Variants in ZFR2 observed in about 807,000 individuals in gnomAD.
ZFR2 encodes zinc finger RNA-binding protein 2.
ZFR2 carries 104 observed loss-of-function variants against 105.7 expected under a neutral mutation model. The observed-to-expected ratio is 0.98, with a 90% CI of 0.84 to 1.16. The LOEUF is 1.16. Ranked by LOEUF, ZFR2 falls within the 50% of genes most tolerant of loss-of-function variation. ZFR2 has a pLI of 0.00. For missense variants in ZFR2, 1,425 were observed against 1,355.5 expected, an observed-to-expected ratio of 1.05 and a Z score of -0.80; for synonymous variants, 634 against 597.7, an observed-to-expected ratio of 1.06 and a Z score of -0.89.
rs566854965 is a variant in ZFR2 at position 3,819,228 on chromosome 19, C to T, written c.1748G>A (p.Arg583Gln). ...SPASAPLQPG[R>Q]RPASSDDRHV... ...CCGGTCGTCGCTGGACGCCGGCCGC[C>T]GCCCGGGCTGTGGGGAGAGGCCGCA... The change falls in exon 12 of 19, where the codon CGG (arginine) becomes CAG (glutamine). Residue 583 changes from arginine to glutamine, a missense_variant. Coordinates refer to ENST00000262961, the MANE Select transcript of ZFR2 (RefSeq NM_015174.2). 21 of 1,542,146 alleles carry T rather than the reference C, an allele frequency of 1.4e-5. No homozygotes were observed. In the African/African-American group the frequency reaches 1.9e-4, roughly 14 times the overall value.
chr19:3,833,401 C>T lies in ZFR2; in HGVS notation c.379+263G>A, dbSNP rs2038040910. On this transcript the variant is annotated intron_variant, in intron 3 of 18. Coordinates refer to ENST00000262961, the MANE Select transcript of ZFR2 (RefSeq NM_015174.2). Reference sequence around the variant, plus strand: ...ACCATCCTGGCTAATACTGTGAAACCCCGTCTCTACTAAAAATACAAAAAA... The same window carrying T: ...ACCATCCTGGCTAATACTGTGAAACTCCGTCTCTACTAAAAATACAAAAAA... 2.4e-5 allele frequency: 8 copies of T among 330,782 alleles called. No homozygotes were observed. In the South Asian group the frequency reaches 3.0e-4, roughly 12 times the overall value. 20.5% of individuals were successfully genotyped at this position (330,782 alleles called of 1,614,324 possible).
Position 3,837,531 on chromosome 19 carries a change from C to CGTG in ZFR2, c.54-2549_54-2548insCAC, listed in dbSNP as rs1568427094. 3.3e-5 allele frequency among the ~76,000 whole-genome samples: 5 copies of CGTG among 150,218 alleles called. 1 individual carries two copies. Among genetic ancestry groups the CGTG allele is most frequent in the African/African-American group, 9.8e-5 (4 of 40,802 alleles). On this transcript the variant is annotated intron_variant, in intron 1 of 18. Transcript: ENST00000262961. ...CGTGACCGTGACACTCGATGAACAC[C>CGTG]ATGACCGTGACACTCGATGAACACC... is the stretch of plus-strand genomic sequence containing the variant.
chr19:3,826,390 G>A (rs370986964), intron 6 of ZFR2, among the ~76,000 whole-genome samples: 1 of 151,958 alleles, frequency 6.6e-6, no homozygotes, highest in African/African-American at 2.4e-5. Flanking sequence ...CTGCTCTCAG[G>A]TGGGGACTCC....
intron 1 of ZFR2, among the ~76,000 whole-genome samples, chr19:3,844,181 G>A (rs1274956800): frequency 2.6e-5 from 4 of 151,826 alleles, no homozygotes; most frequent in East Asian, 3.8e-4. Context: ...TTAATAAAAC[G>A]GTAAAACTGG....
intron 11 of ZFR2, 114 bp downstream of exon 11, chr19:3,820,068 T>C (rs1358803953): frequency 1.4e-5 from 14 of 1,029,036 alleles, no homozygotes; most frequent in East Asian, 5.2e-5. Flanking sequence ...TGGAGCCCCA[T>C]CCCCTGAGTA....
chr19:3,854,795 G>A (rs893707607), intron 1 of ZFR2, among the ~76,000 whole-genome samples: 5 of 152,152 alleles, frequency 3.3e-5, no homozygotes, highest in East Asian at 1.9e-4. Flanking sequence ...ACAGGGTCTC[G>A]CTCTGTCACC....
intron 6 of ZFR2, among the ~76,000 whole-genome samples, chr19:3,826,626 C>G (rs547545648): frequency 6.6e-6 from 1 of 151,572 alleles, no homozygotes; most frequent in African/African-American, 2.4e-5. Flanking sequence ...TCAGTAGAGA[C>G]GGGGTTTCAC....
At chr19:3,852,549 A>G (rs980965097) in intron 1 of ZFR2, 3 of 718,592 alleles carry the variant, frequency 4.2e-6, no homozygotes, top group Non-Finnish European at 7.8e-6. Flanking sequence ...ACTGCAGCCA[A>G]CTGTCCAAGG....
chr19:3,859,623 G>C (rs538033998), intron 1 of ZFR2, among the ~76,000 whole-genome samples: 2 of 152,226 alleles, frequency 1.3e-5, no homozygotes, highest in Non-Finnish European at 2.9e-5. Flanking sequence ...GCCACACCCA[G>C]GTGGAGGGCG....
In ZFR2 at chr19:3,807,229, T is replaced by C; in HGVS notation, c.2586A>G (p.Thr862=). 6.4e-7 allele frequency: 1 copy of C among 1,562,216 alleles called. No homozygotes were observed. Among genetic ancestry groups the C allele is most frequent in the Non-Finnish European group, 8.7e-7 (1 of 1,152,494 alleles). Residue 862 remains threonine (T), a synonymous_variant, in exon 18 of 19, where the codon ACA becomes ACG. Coordinates refer to ENST00000262961, the MANE Select transcript of ZFR2 (RefSeq NM_015174.2). ...GLQDPCERDQ[T]DALEPMTLQE... ...GGAGGGTCATGGGCTCGAGGGCATC[T>C]GTCTGGTCTCTCTCGCAGGGATCCT...
chr19:3,806,068 G>T lies in ZFR2; in HGVS notation c.2701C>A (p.Leu901Met). 6.5e-7 allele frequency: 1 copy of T among 1,531,346 alleles called. No homozygotes were observed. Among genetic ancestry groups the T allele is most frequent in the Admixed American group, 2.0e-5 (1 of 49,928 alleles). 94.9% of individuals were successfully genotyped at this position (1,531,346 alleles called of 1,614,324 possible). ...QTHKVLGMDL[L>M]PPRHRLGARF... is the part of the protein sequence containing the mutation. ...GCCCCCAGCCGGTGTCTGGGCGGCAGGAGATCCATGCCCAGGACCTTGTGG... is the reference window on the plus strand; with the variant it reads ...GCCCCCAGCCGGTGTCTGGGCGGCATGAGATCCATGCCCAGGACCTTGTGG... The change falls in exon 19 of 19, where the codon CTG becomes ATG. Residue 901 changes from leucine to methionine, a missense_variant. Leu to Met is a conservative substitution (Grantham distance 15, BLOSUM62 2). Transcript: ENST00000262961.
intron 17 of ZFR2, among the ~76,000 whole-genome samples, chr19:3,807,901 T>C (rs545500282): frequency 4.5e-5 from 6 of 132,822 alleles, no homozygotes; most frequent in African/African-American, 1.7e-4. Flanking sequence ...CCGTGTGCAC[T>C]CATGTATGTG....
rs932700769 is a variant in ZFR2, at chr19:3,838,063, C to T, written c.54-3080G>A. Among the ~76,000 whole-genome samples, 17 of 151,578 alleles carry T rather than the reference C, an allele frequency of 1.1e-4. No homozygotes were observed. Among genetic ancestry groups the T allele is most frequent in the African/African-American group, 3.6e-4 (15 of 41,216 alleles). Reference sequence around the variant, plus strand: ...CACGATGAACACCATGACCGTGACACGTGATGAACACCATGACCGTGACAC... The same window carrying T: ...CACGATGAACACCATGACCGTGACATGTGATGAACACCATGACCGTGACAC... On this transcript the variant is annotated intron_variant, in intron 1 of 18. Transcript: ENST00000262961. The surrounding 1 kb of genome is among the most constrained non-coding windows in gnomAD (Gnocchi z 4.9).
intron 1 of ZFR2, among the ~76,000 whole-genome samples, chr19:3,841,871 C>A (rs2038136079): frequency 6.6e-6 from 1 of 151,884 alleles, no homozygotes; most frequent in African/African-American, 2.4e-5. Flanking sequence ...ACTGCAACCT[C>A]CACCTCCCAG....
chr19:3,825,503 G>A (rs2037939683), intron 6 of ZFR2, 96 bp from the exon 7 acceptor site: 5 of 1,455,110 alleles, frequency 3.4e-6, no homozygotes, highest in African/African-American at 1.5e-5. Flanking sequence ...CGTGCAGCGC[G>A]AGTGTGGGCT....
Position 3,831,646 on chromosome 19 carries a change from A to G in ZFR2, c.598+14T>C. On this transcript the variant is annotated intron_variant, in intron 4 of 18. Transcript: ENST00000262961. ...CGACGGGCAGACCACCTGGGCAAGG[A>G]ACGCTGGTCTTACCCGTGTAGGCGG... 1 of 1,528,606 alleles carries G rather than the reference A, an allele frequency of 6.5e-7. No individual in the cohort carries two copies. Among genetic ancestry groups the G allele is most frequent in the Non-Finnish European group, 8.8e-7 (1 of 1,132,676 alleles). 94.7% of individuals were successfully genotyped at this position (1,528,606 alleles called of 1,614,324 possible).
At position 3,805,835 on chromosome 19, in the gene ZFR2, A is replaced by T; in HGVS notation, c.*114T>A. 1 of 1,221,840 alleles carries T rather than the reference A, an allele frequency of 8.2e-7. No individual in the cohort carries two copies. The highest frequency in any genetic ancestry group is 1.1e-6 in the Non-Finnish European group (1 of 917,152). 75.7% of individuals were successfully genotyped at this position (1,221,840 alleles called of 1,614,324 possible). On this transcript the variant is annotated 3_prime_UTR_variant, in exon 19 of 19. Transcript: ENST00000262961. ...TTTTAAAGGAAACCTACAGAGCGTT[A>T]CTCAAAAGGAAATGACCATTGTCCA...
Position 3,821,327 on chromosome 19 carries a change from C to G in ZFR2, c.1631+13G>C, listed in dbSNP as rs758244921. The stretch of plus-strand genomic sequence containing the variant: ...CTCACCAGGCCCCCTTGCCAAGACC[C>G]GCAGCCGGGCACCTCCTCTCCGCGT... On this transcript the variant is annotated intron_variant, in intron 10 of 18. Coordinates refer to ENST00000262961, the MANE Select transcript of ZFR2 (RefSeq NM_015174.2). 4.5e-6 allele frequency: 7 copies of G among 1,570,218 alleles called. No homozygotes were observed. The highest frequency in any genetic ancestry group is 5.2e-6 in the Non-Finnish European group (6 of 1,162,566).
intron 1 of ZFR2, among the ~76,000 whole-genome samples, chr19:3,861,789 G>A (rs190064344): frequency 6.6e-5 from 10 of 152,336 alleles, no homozygotes; most frequent in Admixed American, 6.5e-4. Flanking sequence ...GGCTGGGCGT[G>A]GTGGTGCATG....
Sources: gnomAD v4.1 joint callset for allele counts (sites outside exome capture counted in the v4.1 genomes callset) on GRCh38, gnomAD v4.1.1 for gene constraint, Gnocchi (gnomAD v3.1) non-coding constraint, MANE v1.5 for transcripts, NCBI Gene and HGNC (gene_info 2026-07-23, HGNC 2026-07-21) for gene names.